The following RPGRIP1L variants were observed in gnomAD, a reference collection of about 807,000 sequenced individuals.
RPGRIP1L encodes RPGRIP1 like.
RPGRIP1L carries 131 observed loss-of-function variants against 160.4 expected under a neutral mutation model. The ratio of observed to expected loss-of-function variants is 0.82; its 90% CI spans 0.71 to 0.94. RPGRIP1L has a LOEUF of 0.94. Among genes scored for constraint, RPGRIP1L ranks in the 40% least tolerant of loss-of-function variants. The pLI is 0.00. For missense variants in RPGRIP1L, 1,522 were observed against 1,535.8 expected (o/e 0.99, Z 0.15); for synonymous variants, 510 against 515.8 (o/e 0.99, Z 0.15).
At chr16:53,655,139 A>G (rs1239257126) in intron 14 of RPGRIP1L, among the ~76,000 whole-genome samples, 3 of 152,220 alleles carry the variant, frequency 2.0e-5, no homozygotes, top group Non-Finnish European at 2.9e-5. Flanking sequence ...TTAAATGCAG[A>G]AGCAGATATA....
chr16:53,607,981 T>A, intron 25 of RPGRIP1L: 1 of 985,178 alleles, frequency 1.0e-6, no homozygotes, highest in Non-Finnish European at 1.2e-6. Flanking sequence ...ACGCTTACAG[T>A]CTAGTCTGAG....
intron 26 of RPGRIP1L, among the ~76,000 whole-genome samples, chr16:53,604,904 G>A (rs772734504): frequency 3.8e-4 from 58 of 152,170 alleles, no homozygotes; most frequent in Non-Finnish European, 7.3e-4. Flanking sequence ...GTGGCCAGGC[G>A]TGGTGGCTCA....
At chr16:53,622,111 T>A in intron 23 of RPGRIP1L, 108 bp downstream of exon 23, 8 of 324,458 alleles carry the variant, frequency 2.5e-5, no homozygotes, top group Admixed American at 4.7e-5. Flanking sequence ...ATGCCTGTAA[T>A]CCCAGCACTT....
rs190698684 is a variant in RPGRIP1L, at chr16:53,655,893, C to G, written c.1699+579G>C. Among the ~76,000 whole-genome samples the G allele has an allele frequency of 8.5e-5, 13 of 152,144 alleles. No homozygotes were observed. In the East Asian group the frequency reaches 2.5e-3, roughly 30 times the overall value. ...CACAGGTGAGTATTATGTTAGGTTT[C>G]AAAGCAGGGAAGCGTGTATCTTGGA... On this transcript the variant is annotated intron_variant, in intron 14 of 26. Coordinates refer to ENST00000647211, the MANE Select transcript of RPGRIP1L (RefSeq NM_015272.5).
chr16:53,673,100 A>T (rs559761610), intron 7 of RPGRIP1L, 84 bp from the exon 8 acceptor site: 17 of 1,292,074 alleles, frequency 1.3e-5, no homozygotes, highest in Non-Finnish European at 1.7e-5. Flanking sequence ...AAATGATTAC[A>T]ATTCTATAAA....
intron 23 of RPGRIP1L, 59 bp from the exon 24 acceptor site, chr16:53,619,267 C>A (rs1159883944): frequency 1.4e-6 from 2 of 1,478,018 alleles, no homozygotes; most frequent in Non-Finnish European, 1.9e-6. Flanking sequence ...ACAAAAAGAT[C>A]CACTATTACT....
intron 6 of RPGRIP1L, among the ~76,000 whole-genome samples, chr16:53,676,991 C>G (rs1029058337): frequency 2.0e-5 from 3 of 152,088 alleles, no homozygotes; most frequent in African/African-American, 2.4e-5. Flanking sequence ...CCATTAATTA[C>G]AGTAACACAA....
At chr16:53,638,982 T>A (rs1168641730) in intron 19 of RPGRIP1L, among the ~76,000 whole-genome samples, 1 of 151,862 alleles carries the variant, frequency 6.6e-6, no homozygotes, top group African/African-American at 2.4e-5. Context: ...TTCACTGTTT[T>A]TTTTTTCTTC....
intron 3 of RPGRIP1L, chr16:53,695,892 T>C (rs982471518): frequency 5.3e-6 from 2 of 376,766 alleles, no homozygotes; most frequent in African/African-American, 4.1e-5. Context: ...CCAAAAGTTA[T>C]TTATAGGTAT....
intron 26 of RPGRIP1L, 68 bp downstream of exon 26, chr16:53,605,413 G>T (rs947391208): frequency 1.9e-6 from 3 of 1,583,250 alleles, no homozygotes; most frequent in African/African-American, 1.3e-5. Context: ...CAAAAAGAAG[G>T]TTTTAATAAA....
intron 25 of RPGRIP1L, among the ~76,000 whole-genome samples, chr16:53,606,994 A>T (rs1450513064): frequency 6.6e-6 from 1 of 152,212 alleles, no homozygotes; most frequent in Admixed American, 6.5e-5. Context: ...AATTATAAAG[A>T]GTACAGATCT....
In RPGRIP1L at chr16:53,637,704, C is replaced by T. The variant is rs864622470; in HGVS notation, c.3211G>A (p.Glu1071Lys). 1.9e-6 allele frequency: 3 copies of T among 1,608,980 alleles called. No individual in the cohort carries two copies. Among genetic ancestry groups the T allele is most frequent in the Non-Finnish European group, 2.5e-6 (3 of 1,179,690 alleles). The change falls in exon 21 of 27, where the codon GAA becomes AAA. Residue 1071 changes from glutamate to lysine, a missense_variant. Physicochemically the swap from Glu to Lys is moderately conservative, Grantham distance 56. Coordinates refer to ENST00000647211, the MANE Select transcript of RPGRIP1L (RefSeq NM_015272.5). The part of the protein sequence containing the change: ...EDETEITEDL[E>K]PEVEEDMSAS... The stretch of plus-strand genomic sequence containing the variant: ...TAAATAAGAAAGTCACCTTCTGGTT[C>T]CAAGTCCTCTGTTATTTCTGTTTCA...
chr16:53,652,625 TGCTATAA>T lies in RPGRIP1L; in HGVS notation c.2055_2061del (p.Tyr686GlnfsTer11), dbSNP rs753421075. 1 of 1,614,128 alleles carries T rather than the reference TGCTATAA, an allele frequency of 6.2e-7. No individual in the cohort carries two copies. Among genetic ancestry groups the T allele is most frequent in the Non-Finnish European group, 8.5e-7 (1 of 1,179,970 alleles). ...CATGCTGCAATTGTTTCATATTCTG[TGCTATAA>T]GCCTGGTGGACCTCAAGGGTGATAG... On this transcript the variant is annotated frameshift_variant, in exon 15 of 27. Transcript: ENST00000647211. LOFTEE classifies it high-confidence loss of function.
In RPGRIP1L at chr16:53,692,146, T is replaced by C. The variant is rs771844271; in HGVS notation, c.449A>G (p.Tyr150Cys). 2.5e-6 allele frequency: 4 copies of C among 1,614,166 alleles called. No individual in the cohort carries two copies. The Admixed American group carries it at 5.0e-5, about 20-fold the overall frequency. ...LQTQGYRQTP[Y>C]NNVQSRINTG... is the part of the protein sequence containing the mutation. ...GTTAATACGAGATTGTACATTATTG[T>C]ATGGAGTTTGCCTGTAACCCTGGGT... The change falls in exon 4 of 27, where the codon TAC (tyrosine) becomes TGC (cysteine). Residue 150 changes from tyrosine (Y) to cysteine (C), a missense_variant. By Grantham distance (194) the Tyr-to-Cys change is radical. Coordinates refer to ENST00000647211, the MANE Select transcript of RPGRIP1L (RefSeq NM_015272.5).
chr16:53,700,269 T>C (rs1971284742), intron 2 of RPGRIP1L, among the ~76,000 whole-genome samples: 1 of 152,260 alleles, frequency 6.6e-6, no homozygotes, highest in South Asian at 2.1e-4. Context: ...AATACGGCCT[T>C]TCCTCCCATA....
At chr16:53,659,054 A>G (rs574223572) in intron 10 of RPGRIP1L, 176 bp from the exon 11 acceptor site, 2 of 646,526 alleles carry the variant, frequency 3.1e-6, no homozygotes, top group East Asian at 5.7e-5. Context: ...ATAAATGAAC[A>G]CTATCATGTG....
Position 53,619,177 on chromosome 16 carries a change from G to A in RPGRIP1L, c.3464C>T (p.Ala1155Val), listed in dbSNP as rs1436841364. 4 of 1,613,662 alleles carry A rather than the reference G, an allele frequency of 2.5e-6. No homozygotes were observed. Among genetic ancestry groups the A allele is most frequent in the Non-Finnish European group, 3.4e-6 (4 of 1,180,012 alleles). ...PSEKIRIEIIALSLNDSQVTM... is the reference protein window; with the variant it reads ...PSEKIRIEIIVLSLNDSQVTM... ...TACTTGAGAATCATTAAGGCTTAGA[G>A]CTATGATCTCAATCCGAATTTTTTC... is the stretch of plus-strand genomic sequence containing the variant. The change falls in exon 24 of 27, where the codon GCT (alanine) becomes GTT (valine). Residue 1155 changes from alanine to valine, a missense_variant. Transcript: ENST00000647211.
chr16:53,670,684 C>A lies in RPGRIP1L; in HGVS notation c.1103+826G>T, dbSNP rs184973529. ...TGTTTCTCTTTATAAGGAACAGAGA[C>A]AATTGTAAGTGGACACCTTTGCTTT... On this transcript the variant is annotated intron_variant, in intron 9 of 26. Transcript: ENST00000647211. Among the ~76,000 whole-genome samples, 4 of 152,250 alleles carry A rather than the reference C, an allele frequency of 2.6e-5. No homozygotes were observed. In the East Asian group the frequency reaches 7.7e-4, roughly 29 times the overall value.
chr16:53,692,657 G>A (rs1051359469), intron 3 of RPGRIP1L, among the ~76,000 whole-genome samples: 1 of 152,186 alleles, frequency 6.6e-6, no homozygotes, highest in Non-Finnish European at 1.5e-5. Context: ...AATTTTTAAC[G>A]CATGACCTTA....
Sources: gnomAD v4.1 joint callset for allele counts (sites outside exome capture counted in the v4.1 genomes callset) on GRCh38, gnomAD v4.1.1 for gene constraint, MANE v1.5 for transcripts, NCBI Gene and HGNC (gene_info 2026-07-23, HGNC 2026-07-21) for gene names.